The following GALNT13 variants were observed in gnomAD, a reference collection of about 807,000 sequenced individuals.
GALNT13 encodes the protein polypeptide N-acetylgalactosaminyltransferase 13, also known as UDP-GalNAc:polypeptide N-acetylgalactosaminyltransferase 13.
A neutral mutation model predicts 64.2 loss-of-function variants in GALNT13; 28 were observed. The ratio of observed to expected loss-of-function variants is 0.44; its 90% confidence interval spans 0.32 to 0.60. The LOEUF (loss-of-function observed/expected upper bound fraction) is 0.60. Among genes scored for constraint, GALNT13 ranks in the 20% least tolerant of loss-of-function variants. GALNT13 has a pLI of 0.05. For synonymous variants in GALNT13, 214 were observed against 224.6 expected, an observed-to-expected ratio of 0.95 and a Z score of 0.42; for missense variants, 577 against 669.8, an observed-to-expected ratio of 0.86 and a Z score of 1.53.
the GALNT13 span, among the ~76,000 whole-genome samples, chr2:153,229,160 C>T: frequency 6.6e-6 from 1 of 152,192 alleles, no homozygotes; most frequent in Non-Finnish European, 1.5e-5. Context: ...CCTGCTTCAT[C>T]TCACTGTGTG....
the GALNT13 span, among the ~76,000 whole-genome samples, chr2:153,570,511 T>C: frequency 5.3e-5 from 8 of 152,180 alleles, no homozygotes; most frequent in Non-Finnish European, 1.2e-4. Context: ...TTGTGAAGTA[T>C]TGCTCAAGAA....
At chr2:153,648,052 T>A in the GALNT13 span, among the ~76,000 whole-genome samples, 3 of 152,162 alleles carry the variant, frequency 2.0e-5, no homozygotes, top group Non-Finnish European at 4.4e-5. Context: ...TAAATTACCT[T>A]GGGAGCTATG....
chr2:154,141,604 C>T lies in GALNT13; in HGVS notation c.311+1099C>T, dbSNP rs149227072. Among the ~76,000 whole-genome samples the T allele has an allele frequency of 3.9e-3, 589 of 152,260 alleles. 2 individuals carry two copies. The highest frequency in any genetic ancestry group is 0.014 in the African/African-American group (564 of 41,562). ...CATTATAATCTTATGAGACTCTCAT[C>T]ATATATGTGATCTGTCATTGGGTAA... On this transcript the variant is annotated intron_variant, in intron 4 of 12. Transcript: ENST00000392825.
chr2:153,195,293 C>G, the GALNT13 span, among the ~76,000 whole-genome samples: 1 of 152,116 alleles, frequency 6.6e-6, no homozygotes, highest in African/African-American at 2.4e-5. Flanking sequence ...TTGTTCTGCC[C>G]ACTCAACCTG....
chr2:153,667,314 T>G, the GALNT13 span, among the ~76,000 whole-genome samples: 1 of 151,888 alleles, frequency 6.6e-6, no homozygotes, highest in Non-Finnish European at 1.5e-5. Flanking sequence ...AAGACAACCA[T>G]CCCTAAGACA....
chr2:154,454,308 A>G (rs1399323255), downstream of GALNT13, among the ~76,000 whole-genome samples: 1 of 152,182 alleles, frequency 6.6e-6, no homozygotes. Flanking sequence ...GTTAATATAA[A>G]CTAATACTGT....
At chr2:153,301,501 A>T in the GALNT13 span, among the ~76,000 whole-genome samples, 1 of 152,082 alleles carries the variant, frequency 6.6e-6, no homozygotes, top group Non-Finnish European at 1.5e-5. Flanking sequence ...AATTCAAGCT[A>T]ATGTATATAT....
chr2:154,189,452 C>G (rs1686442019), intron 4 of GALNT13, among the ~76,000 whole-genome samples: 1 of 133,678 alleles, frequency 7.5e-6, no homozygotes, highest in African/African-American at 2.9e-5. Context: ...TGTTCACTTT[C>G]TCTCTTCTCA....
At chr2:154,287,415 T>C in intron 8 of GALNT13, 1 of 454,786 alleles carries the variant, frequency 2.2e-6, no homozygotes, top group South Asian at 2.0e-5. Context: ...CTCCTCCAGC[T>C]GCCCCAGTGA....
the GALNT13 span, among the ~76,000 whole-genome samples, chr2:153,764,929 G>T: frequency 6.6e-6 from 1 of 152,232 alleles, no homozygotes; most frequent in East Asian, 1.9e-4. Context: ...CCATGCCTTG[G>T]CAGATTATAC....
chr2:154,164,664 T>C (rs867353901), intron 4 of GALNT13, among the ~76,000 whole-genome samples: 20 of 152,094 alleles, frequency 1.3e-4, no homozygotes, highest in Admixed American at 2.6e-4. Context: ...TATTTAGCTT[T>C]AATATTGAAA....
chr2:153,600,374 T>G, the GALNT13 span, among the ~76,000 whole-genome samples: 1 of 152,088 alleles, frequency 6.6e-6, no homozygotes, highest in African/African-American at 2.4e-5. Flanking sequence ...TTCATTTTGC[T>G]TTTTGTAAAT....
At chr2:153,994,974 G>A (rs1695421876) in intron 3 of GALNT13, among the ~76,000 whole-genome samples, 1 of 151,762 alleles carries the variant, frequency 6.6e-6, no homozygotes, top group Non-Finnish European at 1.5e-5. Context: ...TTCTGTATAT[G>A]CAAATAATTT....
At chr2:153,918,902 G>A (rs1030193940) in intron 2 of GALNT13, among the ~76,000 whole-genome samples, 5 of 151,870 alleles carry the variant, frequency 3.3e-5, no homozygotes, top group African/African-American at 1.2e-4. Flanking sequence ...TCAATATTTT[G>A]TGTCACATTC....
chr2:153,614,019 A>AT, the GALNT13 span, among the ~76,000 whole-genome samples: 2,719 of 150,626 alleles, frequency 0.018, 83 homozygotes, highest in African/African-American at 0.063. Context: ...AATAATAATA[A>AT]AAAAAAAAGA....
chr2:153,072,911 A>G, the GALNT13 span, among the ~76,000 whole-genome samples: 2 of 152,124 alleles, frequency 1.3e-5, no homozygotes, highest in South Asian at 4.1e-4. Context: ...ACTATCTTCT[A>G]TTGAGCATCG....
At chr2:153,482,364 T>A in the GALNT13 span, among the ~76,000 whole-genome samples, 1 of 152,278 alleles carries the variant, frequency 6.6e-6, no homozygotes, top group South Asian at 2.1e-4. Context: ...TTGGAGACAT[T>A]TAATATAGAG....
chr2:153,745,653 C>G, the GALNT13 span, among the ~76,000 whole-genome samples: 15 of 152,246 alleles, frequency 9.9e-5, no homozygotes, highest in Admixed American at 4.6e-4. Context: ...CATTAAACTT[C>G]AAATATTAAG....
chr2:154,431,994 C>T (rs11683878), intron 11 of GALNT13, among the ~76,000 whole-genome samples: 60,495 of 151,858 alleles, frequency 0.4, 12,232 homozygotes, highest in Admixed American at 0.51. Context: ...AGTGTGAGAA[C>T]GGACTAAAAC....
Sources: gnomAD v4.1 joint callset for allele counts (sites outside exome capture counted in the v4.1 genomes callset) on GRCh38, gnomAD v4.1.1 for gene constraint, MANE v1.5 for transcripts, NCBI Gene and HGNC (gene_info 2026-07-23, HGNC 2026-07-21) for gene names.